The following ERC1 variants were observed in gnomAD, a reference collection of about 807,000 sequenced individuals.
ERC1 encodes RAB6 interacting protein 2.
A neutral mutation model predicts 132.0 loss-of-function variants in ERC1; 56 were observed. The observed-to-expected ratio is 0.42, with a 90% CI of 0.34 to 0.53. The LOEUF (loss-of-function observed/expected upper bound fraction) is 0.53. Among genes scored for constraint, ERC1 ranks in the 20% least tolerant of loss-of-function variants. ERC1 has a pLI of 0.03. For synonymous variants in ERC1, 478 were observed against 476.1 expected (o/e 1.00, Z -0.05); for missense variants, 1,202 against 1,349.9 (o/e 0.89, Z 1.72).
chr12:1,368,162 G>A (rs1263770212), intron 15 of ERC1, among the ~76,000 whole-genome samples: 1 of 151,878 alleles, frequency 6.6e-6, no homozygotes. Context: ...CCTTTCTGTG[G>A]ATAGTCTTTA....
chr12:1,349,785 A>G (rs2084838439), intron 15 of ERC1, among the ~76,000 whole-genome samples: 1 of 152,248 alleles, frequency 6.6e-6, no homozygotes, highest in African/African-American at 2.4e-5. Flanking sequence ...CTTAGACCTT[A>G]AAAAACTTTT....
chr12:1,171,060 G>A (rs541859240), intron 8 of ERC1, among the ~76,000 whole-genome samples: 6 of 152,106 alleles, frequency 3.9e-5, no homozygotes, highest in Middle Eastern at 3.2e-3. Flanking sequence ...TCAATGCCAC[G>A]TAACTAGTCA....
intron 15 of ERC1, among the ~76,000 whole-genome samples, chr12:1,294,771 T>C (rs1036787984): frequency 2.0e-5 from 3 of 152,212 alleles, no homozygotes; most frequent in Non-Finnish European, 4.4e-5. Context: ...AATTTACCAG[T>C]ATGGCAGGTT....
intron 1 of ERC1, among the ~76,000 whole-genome samples, chr12:1,001,710 T>C (rs890292541): frequency 6.6e-6 from 1 of 152,212 alleles, no homozygotes; most frequent in Admixed American, 6.5e-5. Context: ...TAGATTTGTA[T>C]GTAGCTGTTC....
intron 15 of ERC1, among the ~76,000 whole-genome samples, chr12:1,344,838 G>A (rs1195977887): frequency 6.6e-6 from 1 of 152,172 alleles, no homozygotes; most frequent in African/African-American, 2.4e-5. Context: ...AGTTCAGGAA[G>A]CTGCTTGTCT....
chr12:1,025,437 C>G (rs1323495157), intron 1 of ERC1, among the ~76,000 whole-genome samples: 1 of 152,046 alleles, frequency 6.6e-6, no homozygotes, highest in African/African-American at 2.4e-5. Flanking sequence ...ATTTTATTTA[C>G]AGCATTTTTT....
At chr12:1,243,761 G>A (rs2075984202) in intron 13 of ERC1, among the ~76,000 whole-genome samples, 1 of 152,142 alleles carries the variant, frequency 6.6e-6, no homozygotes, top group Non-Finnish European at 1.5e-5. Context: ...GTAGTTCTCC[G>A]GATAGCCCCC....
chr12:1,400,950 T>TTTTTTTG, intron 16 of ERC1, among the ~76,000 whole-genome samples: 1 of 128,622 alleles, frequency 7.8e-6, no homozygotes. Flanking sequence ...TTTTTTTTTT[T>TTTTTTTG]TTTGTGACGG....
At chr12:1,250,140 G>A (rs1662908622) in intron 13 of ERC1, among the ~76,000 whole-genome samples, 1 of 152,118 alleles carries the variant, frequency 6.6e-6, no homozygotes, top group Non-Finnish European at 1.5e-5. Flanking sequence ...CAGATGCTTG[G>A]CTTCTCTGTT....
chr12:1,094,428 G>GTTTTT (rs1469072036), intron 3 of ERC1, among the ~76,000 whole-genome samples: 21 of 139,446 alleles, frequency 1.5e-4, no homozygotes, highest in Admixed American at 7.9e-4. Flanking sequence ...TTTTTTTTTT[G>GTTTTT]GCAACAGAGT....
chr12:1,295,750 T>C (rs183988246), intron 15 of ERC1, among the ~76,000 whole-genome samples: 35 of 151,588 alleles, frequency 2.3e-4, no homozygotes, highest in African/African-American at 8.2e-4. Context: ...CTGGGAAATA[T>C]CCTGAGCTTT....
At chr12:1,042,786 A>C (rs1392495057) in intron 2 of ERC1, among the ~76,000 whole-genome samples, 3 of 152,106 alleles carry the variant, frequency 2.0e-5, no homozygotes, top group Non-Finnish European at 4.4e-5. Flanking sequence ...GAATACATTC[A>C]AAAAATGTTC....
intron 15 of ERC1, among the ~76,000 whole-genome samples, chr12:1,301,400 G>C (rs1414960702): frequency 6.6e-6 from 1 of 152,098 alleles, no homozygotes; most frequent in Non-Finnish European, 1.5e-5. Context: ...CAATAACAAA[G>C]ACATGGAATC....
At chr12:1,244,953 T>C (rs1440015740) in intron 13 of ERC1, 1 of 153,146 alleles carries the variant, frequency 6.5e-6, no homozygotes, top group Admixed American at 6.5e-5. Flanking sequence ...ACACTTGACC[T>C]GCAGGGTTCA....
At chr12:1,036,364 A>G (rs920606695) in intron 2 of ERC1, among the ~76,000 whole-genome samples, 2 of 149,612 alleles carry the variant, frequency 1.3e-5, no homozygotes, top group Admixed American at 1.3e-4. Flanking sequence ...ATTATTTGCC[A>G]TTAAATAAAC....
rs1321140883 is a variant in ERC1, at chr12:1,196,898, G to GTC, written c.2351+6852_2351+6853dup. On this transcript the variant is annotated intron_variant, in intron 12 of 18. Transcript: ENST00000360905. The stretch of plus-strand genomic sequence containing the variant: ...TCTCTCTGTCTGTCTGTCTCTCTCT[G>GTC]TCTCTCTACACACACACACACACAC... Among the ~76,000 whole-genome samples, 4 of 52,794 alleles carry GTC rather than the reference G, an allele frequency of 7.6e-5. 1 individual carries two copies. The highest frequency in any genetic ancestry group is 2.3e-4 in the African/African-American group (4 of 17,542). 34.6% of individuals were successfully genotyped at this position (52,794 alleles called of 152,430 possible).
intron 3 of ERC1, among the ~76,000 whole-genome samples, chr12:1,098,859 C>T (rs113364523): frequency 2.0e-5 from 3 of 152,174 alleles, no homozygotes; most frequent in Non-Finnish European, 2.9e-5. Flanking sequence ...TAGAACTGAT[C>T]ACCTGGTCAC....
intron 1 of ERC1, among the ~76,000 whole-genome samples, chr12:1,003,479 C>T (rs542439442): frequency 6.6e-6 from 1 of 152,320 alleles, no homozygotes; most frequent in South Asian, 2.1e-4. Flanking sequence ...ATTCTTTTGG[C>T]TTTCCAACTT....
chr12:1,039,411 C>T (rs1475520420), intron 2 of ERC1, among the ~76,000 whole-genome samples: 1 of 150,308 alleles, frequency 6.7e-6, no homozygotes, highest in Non-Finnish European at 1.5e-5. Flanking sequence ...GTGCCTGTAG[C>T]CCCAGCTACT....
Sources: allele counts gnomAD v4.1 joint callset (sites outside exome capture counted in the v4.1 genomes callset), GRCh38; gene constraint gnomAD v4.1.1; transcripts MANE v1.5; gene names NCBI Gene and HGNC (gene_info 2026-07-23, HGNC 2026-07-21).